The following MMP25 variants were observed in gnomAD, a reference collection of about 807,000 sequenced individuals.
MMP25 encodes the protein matrix metallopeptidase 25.
Under a neutral mutation model 62.1 loss-of-function variants are expected in MMP25, and 68 were observed. That is an observed-to-expected ratio of 1.10 (90% CI 0.90 to 1.34). MMP25 has a LOEUF of 1.34. MMP25 is among the 40% of genes most tolerant of loss of function. MMP25 has a pLI of 0.00. For missense variants in MMP25, 942 were observed against 792.5 expected, an observed-to-expected ratio of 1.19 and a Z score of -2.26; for synonymous variants, 407 against 345.6, an observed-to-expected ratio of 1.18 and a Z score of -1.97.
chr16:3,050,300 C>G lies in MMP25; in HGVS notation c.415C>G (p.Arg139Gly), dbSNP rs200216387. The G allele has an allele frequency of 1.4e-5, 22 of 1,611,948 alleles. No homozygotes were observed. In the African/African-American group the frequency reaches 1.6e-4, roughly 12 times the overall value. ...CTCCCAGCTGAGCCAGGAGACCGTG[C>G]GGGTCCTCATGAGCTATGCCCTGAT... The part of the protein sequence containing the change: ...QSSQLSQETV[R>G]VLMSYALMAW... The change falls in exon 4 of 10, where the codon CGG (arginine) becomes GGG (glycine). Residue 139 changes from arginine to glycine, a missense_variant. Coordinates refer to ENST00000336577, the MANE Select transcript of MMP25 (RefSeq NM_022468.5).
chr16:3,057,594 G>A lies in MMP25; in HGVS notation c.987G>A (p.Gly329=). The change falls in exon 7 of 10, where the codon GGG becomes GGA. Residue 329 remains glycine (G), a synonymous_variant. Coordinates refer to ENST00000336577, the MANE Select transcript of MMP25 (RefSeq NM_022468.5). Reference sequence around the variant, plus strand: ...TTGACGCCATCGCCAACATCCGAGGGGAAACTTTCTTCTTCAAAGGTGAGT... The same window carrying A: ...TTGACGCCATCGCCAACATCCGAGGAGAAACTTTCTTCTTCAAAGGTGAGT... ...GNFDAIANIR[G]ETFFFKGPWF... 6.2e-7 allele frequency: 1 copy of A among 1,614,126 alleles called. No homozygotes were observed.
intron 2 of MMP25, among the ~76,000 whole-genome samples, chr16:3,049,602 G>C (rs1260773188): frequency 6.6e-6 from 1 of 152,212 alleles, no homozygotes; most frequent in African/African-American, 2.4e-5. Flanking sequence ...ATCTGGGTTT[G>C]AGGAGAACTT....
At chr16:3,057,987 GC>G in intron 7 of MMP25, 193 bp from the exon 8 acceptor site, 1 of 640,242 alleles carries the variant, frequency 1.6e-6, no homozygotes, top group South Asian at 2.1e-5. Flanking sequence ...ACAGGTCTGA[GC>G]CACCAGGCAA....
intron 3 of MMP25, 46 bp from the exon 4 acceptor site, chr16:3,050,208 C>T: frequency 6.3e-7 from 1 of 1,576,022 alleles, no homozygotes; most frequent in Non-Finnish European, 8.6e-7. Context: ...GAATGGCTGC[C>T]TGCTCCCTCC....
At position 3,059,320 on chromosome 16, in the gene MMP25, G is replaced by T. The variant is rs1040235091; in HGVS notation, c.*222G>T. On this transcript the variant is annotated 3_prime_UTR_variant, in exon 10 of 10. Transcript: ENST00000336577. ...TCTCCTCAGGGTCTGAGACCCCGGC[G>T]CTGCCACCGGAACCCGCCTTCAGGG... The T allele has an allele frequency of 4.5e-6, 2 of 442,450 alleles. No homozygotes were observed. Among genetic ancestry groups the T allele is most frequent in the Non-Finnish European group, 7.6e-6 (2 of 264,470 alleles). The allele number at this position is 442,450 out of a possible 1,614,324, so 27.4% of individuals were successfully genotyped here.
intron 4 of MMP25, among the ~76,000 whole-genome samples, chr16:3,056,390 T>A (rs1376827923): frequency 6.9e-6 from 1 of 145,378 alleles, no homozygotes; most frequent in Non-Finnish European, 1.5e-5. Context: ...TTATTTTCTT[T>A]TTCTTTTTTT....
Position 3,057,601 on chromosome 16 carries a change from T to C in MMP25, c.994T>C (p.Phe332Leu). ...CATCGCCAACATCCGAGGGGAAACT[T>C]TCTTCTTCAAAGGTGAGTCATTTCA... is the stretch of plus-strand genomic sequence containing the variant. ...DAIANIRGET[F>L]FFKGPWFWRL... The change falls in exon 7 of 10, where the codon TTC becomes CTC. Residue 332 changes from phenylalanine to leucine, a missense_variant. By Grantham distance (22) the Phe-to-Leu change is conservative. Transcript: ENST00000336577. The C allele has an allele frequency of 6.2e-7, 1 of 1,614,152 alleles. No individual in the cohort carries two copies. The highest frequency in any genetic ancestry group is 8.5e-7 in the Non-Finnish European group (1 of 1,179,996).
chr16:3,058,515 G>A lies in MMP25; in HGVS notation c.1263G>A (p.Ser421=), dbSNP rs750896132. The change falls in exon 9 of 10, where the codon TCG becomes TCA. Residue 421 remains serine, a synonymous_variant. Coordinates refer to ENST00000336577, the MANE Select transcript of MMP25 (RefSeq NM_022468.5). ...PPGEEVDAVF[S]WPQNGKTYLV... ...GAGAGGAGGTGGACGCCGTGTTCTCGTGGCCACAGAACGGGAAGACCTACC... is the reference window on the plus strand; with the variant it reads ...GAGAGGAGGTGGACGCCGTGTTCTCATGGCCACAGAACGGGAAGACCTACC... The A allele has an allele frequency of 1.2e-6, 2 of 1,610,638 alleles. No individual in the cohort carries two copies. Among genetic ancestry groups the A allele is most frequent in the East Asian group, 4.5e-5 (2 of 44,752 alleles).
rs148040455 is a variant in MMP25, at chr16:3,050,532, C to T, written c.647C>T (p.Thr216Ile). Reference protein sequence around the residue: ...DTHFDDEETWTFGSKDGEGTD... With the variant: ...DTHFDDEETWIFGSKDGEGTD... ...CACTTTGACGATGAGGAGACCTGGA[C>T]TTTTGGGTCAAAAGGTAAAATCTCC... Residue 216 changes from threonine to isoleucine, a missense_variant, in exon 4 of 10, where the codon ACT becomes ATT. Physicochemically the swap from Thr to Ile is moderately conservative, Grantham distance 89. Coordinates refer to ENST00000336577, the MANE Select transcript of MMP25 (RefSeq NM_022468.5). 9 of 1,545,888 alleles carry T rather than the reference C, an allele frequency of 5.8e-6. No homozygotes were observed. The highest frequency in any genetic ancestry group is 7.0e-6 in the Non-Finnish European group (8 of 1,145,564).
rs1360199124 is a variant in MMP25, at chr16:3,059,102, G to C, written c.*4G>C. The stretch of plus-strand genomic sequence containing the variant: ...GGGGGGTGTAGCCTCCCGCTGATGG[G>C]GGGAGCCATCCAGACCGAACAGCGC... On this transcript the variant is annotated 3_prime_UTR_variant, in exon 10 of 10. Coordinates refer to ENST00000336577, the MANE Select transcript of MMP25 (RefSeq NM_022468.5). 4 of 1,537,930 alleles carry C rather than the reference G, an allele frequency of 2.6e-6. No individual in the cohort carries two copies. Among genetic ancestry groups the C allele is most frequent in the Non-Finnish European group, 2.6e-6 (3 of 1,139,380 alleles).
Position 3,058,339 on chromosome 16 carries a change from T to C in MMP25, c.1159+6T>C, listed in dbSNP as rs1956050841. The C allele has an allele frequency of 1.3e-6, 2 of 1,543,854 alleles. No individual in the cohort carries two copies. The highest frequency in any genetic ancestry group is 1.7e-6 in the Non-Finnish European group (2 of 1,147,634). On this transcript the variant is annotated splice_donor_region_variant and intron_variant, in intron 8 of 9. Coordinates refer to ENST00000336577, the MANE Select transcript of MMP25 (RefSeq NM_022468.5). ...CCGAATCCTCCTCTTTAGCGGTGAG[T>C]GGGGCCGGCGGCGGGGCGCGCTGGG...
At chr16:3,049,763 C>A (rs987344300) in intron 2 of MMP25, among the ~76,000 whole-genome samples, 1 of 152,210 alleles carries the variant, frequency 6.6e-6, no homozygotes, top group African/African-American at 2.4e-5. Flanking sequence ...CTGAGCATCA[C>A]CTGCATGCAG....
At chr16:3,047,838 ATTTT>A (rs34310361) in intron 2 of MMP25, among the ~76,000 whole-genome samples, 3 of 134,946 alleles carry the variant, frequency 2.2e-5, no homozygotes, top group Non-Finnish European at 1.6e-5. Context: ...CTCTCCAAGG[ATTTT>A]TTTTTTTTTT....
Position 3,059,336 on chromosome 16 carries a change from G to T in MMP25, c.*238G>T, listed in dbSNP as rs1253030508. ...GACCCCGGCGCTGCCACCGGAACCC[G>T]CCTTCAGGGGCGCACGCGCGCTGGG... On this transcript the variant is annotated 3_prime_UTR_variant, in exon 10 of 10. Transcript: ENST00000336577. 7.4e-6 allele frequency: 3 copies of T among 404,804 alleles called. No homozygotes were observed. The highest frequency in any genetic ancestry group is 4.5e-5 in the Admixed American group (1 of 22,340). The allele number at this position is 404,804 out of a possible 1,614,324, so 25.1% of individuals were successfully genotyped here.
At chr16:3,050,653 G>C in intron 4 of MMP25, 107 bp downstream of exon 4, 7 of 1,221,842 alleles carry the variant, frequency 5.7e-6, no homozygotes, top group Non-Finnish European at 7.7e-6. Flanking sequence ...TTGCTCTGTT[G>C]CTCAGGCTAG....
At chr16:3,048,208 T>C (rs943198741) in intron 2 of MMP25, among the ~76,000 whole-genome samples, 4 of 152,222 alleles carry the variant, frequency 2.6e-5, no homozygotes, top group African/African-American at 9.7e-5. Flanking sequence ...CTCAGAACGC[T>C]GAGATGGGAA....
Position 3,058,851 on chromosome 16 carries a change from CCCA to C in MMP25, c.1444_1446del (p.His482del), listed in dbSNP as rs1956064947. 6.5e-7 allele frequency: 1 copy of C among 1,532,864 alleles called. No individual in the cohort carries two copies. Among genetic ancestry groups the C allele is most frequent in the Admixed American group, 2.1e-5 (1 of 48,650 alleles). The allele number at this position is 1,532,864 out of a possible 1,614,324, so 95.0% of individuals were successfully genotyped here. On this transcript the variant is annotated inframe_deletion, in exon 10 of 10. Transcript: ENST00000336577. Reference sequence around the variant, plus strand: ...GGTGACACCTACTTCTTCAAGGGCGCCCACTACTGGCGCTTCCCCAAGAACAGC... The same window carrying C: ...GGTGACACCTACTTCTTCAAGGGCGCCTACTGGCGCTTCCCCAAGAACAGC...
At position 3,058,307 on chromosome 16, in the gene MMP25, G is replaced by C; in HGVS notation, c.1133G>C (p.Arg378Pro). ...GTGCAGGCCGCCTATGCTCGGCACC[G>C]AGACGGCCGAATCCTCCTCTTTAGC... Reference protein sequence around the residue: ...RVVQAAYARHRDGRILLFSGP... With the variant: ...RVVQAAYARHPDGRILLFSGP... Residue 378 changes from arginine to proline, a missense_variant, in exon 8 of 10, where the codon CGA becomes CCA. By Grantham distance (103) the Arg-to-Pro change is moderately radical (BLOSUM62 -2). Transcript: ENST00000336577. 4 of 1,601,344 alleles carry C rather than the reference G, an allele frequency of 2.5e-6. No homozygotes were observed. The highest frequency in any genetic ancestry group is 3.4e-6 in the Non-Finnish European group (4 of 1,175,598).
In MMP25 at chr16:3,046,972, G is replaced by T. The variant is rs1457949195; in HGVS notation, c.55G>T (p.Ala19Ser). The change falls in exon 1 of 10, where the codon GCG becomes TCG. Residue 19 changes from alanine (A) to serine (S), a missense_variant. Coordinates refer to ENST00000336577, the MANE Select transcript of MMP25 (RefSeq NM_022468.5). ...ALLLLLLAPP[A>S]RAPKPSAQDV... ...GCTGCTTCTGCTGCTGGCACCGCCC[G>T]CGCGCGCCCCGAAGCCCTCGGCGCA... 6 of 1,471,400 alleles carry T rather than the reference G, an allele frequency of 4.1e-6. No homozygotes were observed. The highest frequency in any genetic ancestry group is 3.6e-6 in the Non-Finnish European group (4 of 1,119,314). The allele number at this position is 1,471,400 out of a possible 1,614,324, so 91.1% of individuals were successfully genotyped here. A position where few individuals can be genotyped will look rare whatever the true frequency, so the allele number is the denominator to read the frequency against.
Sources: allele counts gnomAD v4.1 joint callset (sites outside exome capture counted in the v4.1 genomes callset), GRCh38; gene constraint gnomAD v4.1.1; transcripts MANE v1.5; gene names NCBI Gene and HGNC (gene_info 2026-07-23, HGNC 2026-07-21).